Variants in MACROD2 observed in about 807,000 individuals in gnomAD.
MACROD2 encodes the protein ADP-ribose glycohydrolase MACROD2.
MACROD2 carries 36 observed loss-of-function variants against 70.4 expected under a neutral mutation model. The ratio of observed to expected loss-of-function variants is 0.51; its 90% CI spans 0.39 to 0.68. MACROD2 has a LOEUF of 0.68. Ranked by LOEUF, MACROD2 falls within the 30% of genes least tolerant of loss-of-function variation. The pLI is 0.00. For missense variants in MACROD2, 496 were observed against 538.4 expected, an observed-to-expected ratio of 0.92 and a Z score of 0.78; for synonymous variants, 172 against 178.8, an observed-to-expected ratio of 0.96 and a Z score of 0.30.
chr20:14,322,190 A>ATATATATATATATG lies in MACROD2; in HGVS notation c.272-171278_272-171277insATGTATATATATAT, dbSNP rs1419896739. Among the ~76,000 whole-genome samples the ATATATATATATATG allele has an allele frequency of 3.2e-3, 415 of 130,094 alleles. 12 individuals carry two copies. Among genetic ancestry groups the ATATATATATATATG allele is most frequent in the African/African-American group, 0.011 (401 of 36,658 alleles). The allele number at this position is 130,094 out of a possible 152,430, so 85.3% of individuals were successfully genotyped here. On this transcript the variant is annotated intron_variant, in intron 3 of 17. Transcript: ENST00000684519. Reference sequence around the variant, plus strand: ...ATTCTATTGAAATATATATATATATATATATATATATTTTGTATTTTGCAA... The same window carrying ATATATATATATATG: ...ATTCTATTGAAATATATATATATATATATATATATATATGTATATATATATTTTGTATTTTGCAA...
chr20:14,146,998 T>C (rs1034586280), intron 3 of MACROD2, among the ~76,000 whole-genome samples: 4 of 152,138 alleles, frequency 2.6e-5, no homozygotes, highest in African/African-American at 9.7e-5. Context: ...TGAGAACTCC[T>C]GGGGGTGAGA....
chr20:14,600,838 T>C (rs969614104), intron 4 of MACROD2, among the ~76,000 whole-genome samples: 1 of 152,204 alleles, frequency 6.6e-6, no homozygotes, highest in Non-Finnish European at 1.5e-5. Flanking sequence ...AGCCCAGGTA[T>C]ACTGTCTTTG....
chr20:15,859,756 G>A (rs80052391), intron 8 of MACROD2, among the ~76,000 whole-genome samples: 1,229 of 104,518 alleles, frequency 0.012, 16 homozygotes, highest in East Asian at 0.088. Context: ...CACCATCCCC[G>A]CGCTTTTTTT....
Position 14,639,880 on chromosome 20 carries a change from G to T in MACROD2, c.302-44963G>T, listed in dbSNP as rs145348765. Among the ~76,000 whole-genome samples, 4 of 152,176 alleles carry T rather than the reference G, an allele frequency of 2.6e-5. 1 individual carries two copies. The highest frequency in any genetic ancestry group is 9.6e-5 in the African/African-American group (4 of 41,528). On this transcript the variant is annotated intron_variant, in intron 4 of 17. Coordinates refer to ENST00000684519, the MANE Select transcript of MACROD2 (RefSeq NM_001351661.2). ...GGGAACACTTTTTTTACAAGCTCAG[G>T]GTAGGGGATATTTTTTGTCACTCCC...
chr20:15,139,569 C>G lies in MACROD2; in HGVS notation c.419-90371C>G, dbSNP rs539656736. ...TTGGGATGGGCTAAGGATGCAGGAG[C>G]TGTCTCAGCTCAGAGAATTTTGTTT... On this transcript the variant is annotated intron_variant, in intron 5 of 17. Transcript: ENST00000684519. 1.3e-4 allele frequency among the ~76,000 whole-genome samples: 20 copies of G among 152,198 alleles called. No individual in the cohort carries two copies. In the South Asian group the frequency reaches 4.1e-3, roughly 32 times the overall value.
chr20:15,925,651 G>A (rs1228798507), intron 10 of MACROD2, among the ~76,000 whole-genome samples: 1 of 152,120 alleles, frequency 6.6e-6, no homozygotes, highest in Non-Finnish European at 1.5e-5. Flanking sequence ...TCCTTATTGA[G>A]CACTTGACTC....
chr20:14,720,056 C>T (rs1157087149), intron 5 of MACROD2, among the ~76,000 whole-genome samples: 1 of 152,080 alleles, frequency 6.6e-6, no homozygotes, highest in Non-Finnish European at 1.5e-5. Flanking sequence ...AAAGCAATTG[C>T]ATATAATATA....
chr20:15,726,761 C>G (rs2050868321), intron 8 of MACROD2, among the ~76,000 whole-genome samples: 1 of 152,022 alleles, frequency 6.6e-6, no homozygotes, highest in African/African-American at 2.4e-5. Flanking sequence ...CCTTTGCCTA[C>G]TTTTTAATAG....
At chr20:14,693,952 A>G (rs1204965777) in intron 5 of MACROD2, among the ~76,000 whole-genome samples, 1 of 152,168 alleles carries the variant, frequency 6.6e-6, no homozygotes, top group African/African-American at 2.4e-5. Flanking sequence ...TGTTCAGCCC[A>G]TGTTTTATTG....
At chr20:15,947,668 A>G (rs753347675) in intron 12 of MACROD2, among the ~76,000 whole-genome samples, 11 of 152,152 alleles carry the variant, frequency 7.2e-5, no homozygotes, top group Non-Finnish European at 7.4e-5. Flanking sequence ...TACACTCAAC[A>G]CAGTGGCTTG....
intron 5 of MACROD2, among the ~76,000 whole-genome samples, chr20:14,783,549 G>A (rs949008295): frequency 6.6e-6 from 1 of 152,058 alleles, no homozygotes; most frequent in Non-Finnish European, 1.5e-5. Context: ...ACTTTAATGA[G>A]GTTCTGCCAT....
chr20:15,315,830 T>C (rs972949544), intron 6 of MACROD2, among the ~76,000 whole-genome samples: 16 of 152,188 alleles, frequency 1.1e-4, no homozygotes, highest in African/African-American at 3.9e-4. Context: ...TTTTGATTTC[T>C]TATATGATTT....
intron 3 of MACROD2, among the ~76,000 whole-genome samples, chr20:14,139,344 T>G (rs2054839685): frequency 6.6e-6 from 1 of 152,176 alleles, no homozygotes; most frequent in Admixed American, 6.5e-5. Context: ...CTTTTATAGA[T>G]GAAGAAAGGC....
At chr20:15,054,981 C>T (rs1312920182) in intron 5 of MACROD2, among the ~76,000 whole-genome samples, 1 of 132,494 alleles carries the variant, frequency 7.5e-6, no homozygotes, top group Non-Finnish European at 1.6e-5. Context: ...TGGAGTTTCA[C>T]TCTTGTTGCT....
In MACROD2 at chr20:14,136,225, T is replaced by TA. The variant is rs199628785; in HGVS notation, c.271+50505dup. 1.9e-3 allele frequency among the ~76,000 whole-genome samples: 282 copies of TA among 151,920 alleles called. 3 individuals are homozygous for TA. Among genetic ancestry groups the TA allele is most frequent in the Middle Eastern group, 6.8e-3 (2 of 294 alleles). On this transcript the variant is annotated intron_variant, in intron 3 of 17. Coordinates refer to ENST00000684519, the MANE Select transcript of MACROD2 (RefSeq NM_001351661.2). Reference sequence around the variant, plus strand: ...TTTCCATTTCCAAGTGTTATTTTATTAAAAAAAACAACTCAAAATGGATCG... The same window carrying TA: ...TTTCCATTTCCAAGTGTTATTTTATTAAAAAAAAACAACTCAAAATGGATCG...
At chr20:15,965,694 A>G (rs2066130435) in intron 12 of MACROD2, among the ~76,000 whole-genome samples, 1 of 152,192 alleles carries the variant, frequency 6.6e-6, no homozygotes, top group African/African-American at 2.4e-5. Flanking sequence ...TTTAGTGTTA[A>G]TGTGAGAAAA....
At chr20:15,253,166 G>A (rs1204570083) in intron 6 of MACROD2, among the ~76,000 whole-genome samples, 1 of 152,190 alleles carries the variant, frequency 6.6e-6, no homozygotes, top group African/African-American at 2.4e-5. Context: ...GGAAAGGGAA[G>A]GTTTTTGGGA....
intron 5 of MACROD2, among the ~76,000 whole-genome samples, chr20:15,073,388 T>A (rs1364006557): frequency 6.6e-6 from 1 of 151,882 alleles, no homozygotes; most frequent in Non-Finnish European, 1.5e-5. Flanking sequence ...TGTAAGGTAA[T>A]CTTTTAACAT....
At chr20:14,925,352 C>G (rs2074217086) in intron 5 of MACROD2, among the ~76,000 whole-genome samples, 2 of 152,162 alleles carry the variant, frequency 1.3e-5, no homozygotes, top group South Asian at 4.1e-4. Context: ...TCAGAAAACT[C>G]TGCCCTCAGA....
Sources: gnomAD v4.1 joint callset for allele counts (sites outside exome capture counted in the v4.1 genomes callset) on GRCh38, gnomAD v4.1.1 for gene constraint, MANE v1.5 for transcripts, NCBI Gene and HGNC (gene_info 2026-07-23, HGNC 2026-07-21) for gene names.